Variants in LUZP1 observed in about 807,000 individuals in gnomAD.
The protein encoded by LUZP1 is leucine zipper protein 1.
A neutral mutation model predicts 71.3 loss-of-function variants in LUZP1; 25 were observed. The observed-to-expected ratio is 0.35, with a 90% CI of 0.26 to 0.49. The LOEUF is 0.49. LUZP1 is among the 20% of genes least tolerant of loss of function. The pLI is 0.99. For missense variants in LUZP1, 1,142 were observed against 1,300.8 expected, an observed-to-expected ratio of 0.88 and a Z score of 1.88; for synonymous variants, 481 against 506.4, an observed-to-expected ratio of 0.95 and a Z score of 0.67.
chr1:23,090,805 C>A lies in LUZP1; in HGVS notation c.3072+385G>T, dbSNP rs12061649. On this transcript the variant is annotated intron_variant, in intron 4 of 4. Transcript: ENST00000302291. ...GTGCCCTACAGAAAGGGCACCGGGC[C>A]TCCTCCTGTTGCCCAGAGCTCCCCA... 0.013 allele frequency: 9,308 copies of A among 712,218 alleles called. 602 individuals carry two copies. In the African/African-American group the frequency reaches 0.14, roughly 11 times the overall value. The allele number at this position is 712,218 out of a possible 1,614,324, so 44.1% of individuals were successfully genotyped here.
chr1:23,151,234 T>G (rs1336799624), intron 2 of LUZP1, among the ~76,000 whole-genome samples: 4 of 152,028 alleles, frequency 2.6e-5, no homozygotes, highest in Admixed American at 2.6e-4. Context: ...TGTAGAAATG[T>G]GGTTCCACCA....
At chr1:23,142,696 T>TACAC (rs1359946880) in intron 2 of LUZP1, among the ~76,000 whole-genome samples, 46 of 90,858 alleles carry the variant, frequency 5.1e-4, no homozygotes, top group African/African-American at 2.2e-3. Flanking sequence ...AATATATATA[T>TACAC]ATATACACAC....
exon 5 of LUZP1, chr1:23,084,172 A>C (rs945971800): frequency 2.0e-5 from 3 of 152,200 alleles, no homozygotes; most frequent in African/African-American, 7.2e-5. Flanking sequence ...GGTTTAACAG[A>C]TTGCCACAAA....
chr1:23,137,390 C>T (rs940963728), intron 2 of LUZP1, among the ~76,000 whole-genome samples: 5 of 152,138 alleles, frequency 3.3e-5, no homozygotes, highest in African/African-American at 4.8e-5. Flanking sequence ...CCTGTAATCC[C>T]GGCACTTTGG....
In LUZP1 at chr1:23,094,855, A is replaced by C. The variant is rs1308142973; in HGVS notation, c.-119-475T>G. Reference sequence around the variant, plus strand: ...CCTAAGATTTTTTTTTTTAAAGATTATCTCTTATGAGCTATTGTGACTTAA... The same window carrying C: ...CCTAAGATTTTTTTTTTTAAAGATTCTCTCTTATGAGCTATTGTGACTTAA... On this transcript the variant is annotated intron_variant, in intron 3 of 4. Transcript: ENST00000302291. This position sits in a 1 kb window ranked among gnomAD's most constrained non-coding sequence, Gnocchi z 4.7. Among the ~76,000 whole-genome samples the C allele has an allele frequency of 6.6e-6, 1 of 152,140 alleles. No homozygotes were observed. Among genetic ancestry groups the C allele is most frequent in the Non-Finnish European group, 1.5e-5 (1 of 68,022 alleles).
intron 2 of LUZP1, among the ~76,000 whole-genome samples, chr1:23,163,383 CAA>C (rs796743872): frequency 1.1e-4 from 15 of 133,308 alleles, no homozygotes; most frequent in Admixed American, 1.5e-4. Context: ...CCTATCTCTA[CAA>C]AAAAAAAAAA....
At chr1:23,148,986 T>G (rs141139047) in intron 2 of LUZP1, among the ~76,000 whole-genome samples, 1 of 141,658 alleles carries the variant, frequency 7.1e-6, no homozygotes, top group African/African-American at 2.7e-5. Flanking sequence ...GAGGCAGAGG[T>G]TGGAGGATCA....
chr1:23,163,555 T>TA (rs57231452), intron 2 of LUZP1, among the ~76,000 whole-genome samples: 17,653 of 119,064 alleles, frequency 0.15, 1,558 homozygotes, highest in South Asian at 0.32. Flanking sequence ...TCCCGTCTCT[T>TA]AAAAAAAAAA....
chr1:23,114,668 C>T (rs1369828100), intron 2 of LUZP1, among the ~76,000 whole-genome samples: 2 of 152,254 alleles, frequency 1.3e-5, no homozygotes, highest in African/African-American at 4.8e-5. Context: ...CCCAACCCCA[C>T]TTGCCAACAA....
chr1:23,108,727 G>A (rs1231424126), intron 3 of LUZP1, among the ~76,000 whole-genome samples: 2 of 152,208 alleles, frequency 1.3e-5, no homozygotes, highest in African/African-American at 4.8e-5. Context: ...TTACCTCACA[G>A]GGTTGGTAGG....
intron 2 of LUZP1, among the ~76,000 whole-genome samples, chr1:23,120,415 G>A (rs1557656843): frequency 1.3e-5 from 2 of 152,000 alleles, no homozygotes; most frequent in Admixed American, 6.6e-5. Flanking sequence ...AGGCAGGAGT[G>A]CAATGGTGCA....
exon 4 of LUZP1, chr1:23,092,412 T>C (rs994870077): frequency 6.2e-7 from 1 of 1,614,238 alleles, no homozygotes; most frequent in Admixed American, 1.7e-5. Flanking sequence ...TGAAAATCCC[T>C]GAAGGATGTT....
intron 2 of LUZP1, among the ~76,000 whole-genome samples, chr1:23,125,225 G>T (rs1055544020): frequency 6.6e-6 from 1 of 152,098 alleles, no homozygotes; most frequent in African/African-American, 2.4e-5. Flanking sequence ...CAGTGGCATC[G>T]TTAAAATTAA....
chr1:23,124,082 C>T (rs1270334396), intron 2 of LUZP1, among the ~76,000 whole-genome samples: 1 of 151,988 alleles, frequency 6.6e-6, no homozygotes, highest in East Asian at 1.9e-4. Context: ...AATTTTTGCC[C>T]TAAGACCACC....
chr1:23,139,842 T>C (rs1251623451), intron 2 of LUZP1, among the ~76,000 whole-genome samples: 2 of 151,710 alleles, frequency 1.3e-5, no homozygotes, highest in Non-Finnish European at 2.9e-5. Context: ...CCCAACTACT[T>C]AGGAGGCTGA....
At chr1:23,170,204 C>T (rs1644542086) in intron 1 of LUZP1, among the ~76,000 whole-genome samples, 1 of 152,204 alleles carries the variant, frequency 6.6e-6, no homozygotes, top group Non-Finnish European at 1.5e-5. Flanking sequence ...CCATTTGTTT[C>T]TTAGCACTTC....
chr1:23,155,507 C>T (rs1398246717), intron 2 of LUZP1, among the ~76,000 whole-genome samples: 1 of 152,114 alleles, frequency 6.6e-6, no homozygotes, highest in Non-Finnish European at 1.5e-5. Context: ...TAATAGTTAT[C>T]CTCATTAATA....
chr1:23,091,286 C>T, exon 4 of LUZP1: 1 of 1,614,034 alleles, frequency 6.2e-7, no homozygotes, highest in Non-Finnish European at 8.5e-7. Flanking sequence ...TACTTTGGGT[C>T]CTTCTGGAGG....
At chr1:23,119,940 G>C (rs1421361517) in intron 2 of LUZP1, among the ~76,000 whole-genome samples, 1 of 151,348 alleles carries the variant, frequency 6.6e-6, no homozygotes, top group Admixed American at 6.6e-5. Flanking sequence ...GTTTTTTGTT[G>C]GTAGTTTTTT....
Sources: gnomAD v4.1 joint callset for allele counts (sites outside exome capture counted in the v4.1 genomes callset) on GRCh38, gnomAD v4.1.1 for gene constraint, Gnocchi (gnomAD v3.1) non-coding constraint, MANE v1.5 for transcripts, NCBI Gene and HGNC (gene_info 2026-07-23, HGNC 2026-07-21) for gene names.